The following SNX16 variants were observed in gnomAD, a reference collection of about 807,000 sequenced individuals.
The protein encoded by SNX16 is sorting nexin 16.
SNX16 carries 35 observed loss-of-function variants against 36.7 expected under a neutral mutation model. That is an observed-to-expected ratio of 0.95 (90% CI 0.73 to 1.27). The LOEUF is 1.27. SNX16 is among the 50% of genes most tolerant of loss of function. SNX16 has a pLI of 0.00. For synonymous variants in SNX16, 134 were observed against 132.0 expected (o/e 1.02, Z -0.10); for missense variants, 367 against 393.6 (o/e 0.93, Z 0.57).
intron 4 of SNX16, among the ~76,000 whole-genome samples, chr8:81,819,002 G>T (rs893162820): frequency 6.6e-6 from 1 of 151,958 alleles, no homozygotes; most frequent in Non-Finnish European, 1.5e-5. Flanking sequence ...TCATATTAAT[G>T]TTTGGATACT....
intron 5 of SNX16, among the ~76,000 whole-genome samples, chr8:81,812,156 A>G (rs1351036432): frequency 6.6e-6 from 1 of 152,108 alleles, no homozygotes; most frequent in Non-Finnish European, 1.5e-5. Context: ...AAAAATGAAC[A>G]GCACTTCAGA....
chr8:81,810,439 C>A (rs1246072551), intron 5 of SNX16, among the ~76,000 whole-genome samples: 1 of 152,118 alleles, frequency 6.6e-6, no homozygotes, highest in Non-Finnish European at 1.5e-5. Context: ...AAATGAGAGG[C>A]TGCTTAAGTA....
chr8:81,833,575 G>T (rs142635711), intron 2 of SNX16, among the ~76,000 whole-genome samples: 2 of 152,138 alleles, frequency 1.3e-5, no homozygotes, highest in African/African-American at 2.4e-5. Flanking sequence ...TAAAACTTTT[G>T]AGTATGAATG....
At chr8:81,814,559 G>T (rs1466377796) in intron 5 of SNX16, 1 of 151,946 alleles carries the variant, frequency 6.6e-6, no homozygotes, top group East Asian at 1.9e-4. Context: ...AGTGATGATG[G>T]TAACTGCTCT....
Position 81,823,724 on chromosome 8 carries a change from A to G in SNX16, c.611+68T>C, listed in dbSNP as rs11985887. 145 of 1,379,394 alleles carry G rather than the reference A, an allele frequency of 1.1e-4. No individual in the cohort carries two copies. In the African/African-American group the frequency reaches 2.0e-3, roughly 19 times the overall value. The allele number at this position is 1,379,394 out of a possible 1,614,324, so 85.4% of individuals were successfully genotyped here. A position where few individuals can be genotyped will look rare whatever the true frequency, so the allele number is the denominator to read the frequency against. On this transcript the variant is annotated intron_variant, in intron 4 of 7. Coordinates refer to ENST00000345957, the MANE Select transcript of SNX16 (RefSeq NM_152836.3). ...TGTGCTTAAATAACTATGATCATAG[A>G]TTTATTCTTTAATTTACGCCAGTTA...
chr8:81,802,358 T>C, intron 7 of SNX16, 22 bp downstream of exon 7: 1 of 1,573,390 alleles, frequency 6.4e-7, no homozygotes, highest in Non-Finnish European at 8.6e-7. Flanking sequence ...AATTAAGCTA[T>C]CATAAATGAA....
Position 81,823,808 on chromosome 8 carries a change from T to A in SNX16, c.595A>T (p.Lys199Ter), listed in dbSNP as rs1193957501. ...QAFLQNLVAH[K>*]DIANCLAVRE... ...GTTACATACCAGTTAGCAATGTCCT[T>A]GTGAGCTACTAAATTTTGAAGAAAC... Residue 199 changes from lysine (K) to a stop codon, truncating the protein, a stop_gained, in exon 4 of 8, where the codon AAG becomes TAG. Coordinates refer to ENST00000345957, the MANE Select transcript of SNX16 (RefSeq NM_152836.3). LOFTEE classifies it high-confidence loss of function. 1.9e-6 allele frequency: 3 copies of A among 1,609,480 alleles called. No homozygotes were observed. In the African/African-American group the frequency reaches 4.0e-5, roughly 22 times the overall value.
Position 81,828,475 on chromosome 8 carries a change from G to T in SNX16, c.462+955C>A, listed in dbSNP as rs545245260. ...TGTTTGTTGCATTTTTTACTTTGGG[G>T]TTCACTTTCCTAATTTAGTTTTAAG... On this transcript the variant is annotated intron_variant, in intron 3 of 7. Coordinates refer to ENST00000345957, the MANE Select transcript of SNX16 (RefSeq NM_152836.3). 3.9e-5 allele frequency among the ~76,000 whole-genome samples: 6 copies of T among 152,118 alleles called. No homozygotes were observed. The South Asian group carries it at 1.2e-3, about 32-fold the overall frequency.
chr8:81,811,320 C>G (rs1438188490), intron 5 of SNX16, among the ~76,000 whole-genome samples: 1 of 152,016 alleles, frequency 6.6e-6, no homozygotes, highest in Non-Finnish European at 1.5e-5. Flanking sequence ...ATCCTGGGAC[C>G]CAAGCCACAC....
chr8:81,802,555 T>G (rs973358199), intron 6 of SNX16, 56 bp from the exon 7 acceptor site: 1 of 1,502,684 alleles, frequency 6.7e-7, no homozygotes, highest in African/African-American at 1.4e-5. Context: ...GGCATATGTT[T>G]AATGTTGTGA....
chr8:81,823,474 A>G (rs1423980280), intron 4 of SNX16, among the ~76,000 whole-genome samples: 2 of 152,084 alleles, frequency 1.3e-5, no homozygotes, highest in Non-Finnish European at 2.9e-5. Context: ...TTTTACTAAT[A>G]TGTAAGTGGT....
intron 2 of SNX16, among the ~76,000 whole-genome samples, chr8:81,833,271 G>T (rs2130752662): frequency 6.6e-6 from 1 of 151,442 alleles, no homozygotes; most frequent in Non-Finnish European, 1.5e-5. Context: ...CTGCCCTAAA[G>T]ACCATTCATT....
intron 5 of SNX16, among the ~76,000 whole-genome samples, chr8:81,814,359 T>C (rs187118519): frequency 2.0e-5 from 3 of 152,194 alleles, no homozygotes; most frequent in East Asian, 1.9e-4. Context: ...ATAAAAGTTA[T>C]GTATATGGTA....
intron 4 of SNX16, among the ~76,000 whole-genome samples, chr8:81,818,682 G>A (rs1810599233): frequency 6.6e-6 from 1 of 152,060 alleles, no homozygotes; most frequent in African/African-American, 2.4e-5. Context: ...ACTTCTTGTT[G>A]TTATTCCTAT....
intron 5 of SNX16, among the ~76,000 whole-genome samples, chr8:81,812,216 A>G (rs192072669): frequency 7.2e-5 from 11 of 152,178 alleles, no homozygotes; most frequent in African/African-American, 2.4e-4. Flanking sequence ...ATGACAGTCC[A>G]AGAAGGAGAA....
At chr8:81,811,809 AAAGGC>A (rs1485628469) in intron 5 of SNX16, among the ~76,000 whole-genome samples, 1 of 152,182 alleles carries the variant, frequency 6.6e-6, no homozygotes, top group African/African-American at 2.4e-5. Flanking sequence ...ACTCAGGAAA[AAAGGC>A]AGTCAATTGA....
At chr8:81,806,361 A>G (rs1471484804) in intron 5 of SNX16, among the ~76,000 whole-genome samples, 4 of 152,224 alleles carry the variant, frequency 2.6e-5, no homozygotes, top group African/African-American at 9.6e-5. Flanking sequence ...TGTTTTATCA[A>G]CTGAAAATCT....
At chr8:81,805,529 C>T (rs970616708) in intron 5 of SNX16, among the ~76,000 whole-genome samples, 2 of 151,828 alleles carry the variant, frequency 1.3e-5, no homozygotes, top group Admixed American at 1.3e-4. Flanking sequence ...TAAAATACAC[C>T]AAATCCAAGG....
rs11776932 is a variant in SNX16 at position 81,800,694 on chromosome 8, A to C, written c.*803T>G. ...TTTTTGTATAAGCCCCTATTTATTTAGAATCTATATTTTCGAAAGAATATG... is the reference window on the plus strand; with the variant it reads ...TTTTTGTATAAGCCCCTATTTATTTCGAATCTATATTTTCGAAAGAATATG... On this transcript the variant is annotated 3_prime_UTR_variant, in exon 8 of 8. Transcript: ENST00000345957. 0.4 allele frequency: 61,198 copies of C among 151,920 alleles called. 13,049 individuals carry two copies. The highest frequency in any genetic ancestry group is 0.49 in the African/African-American group (20,186 of 41,410). The allele number at this position is 151,920 out of a possible 1,614,324, so 9.4% of individuals were successfully genotyped here. A position where few individuals can be genotyped will look rare whatever the true frequency, so the allele number is the denominator to read the frequency against.
Sources: gnomAD v4.1 joint callset for allele counts (sites outside exome capture counted in the v4.1 genomes callset) on GRCh38, gnomAD v4.1.1 for gene constraint, MANE v1.5 for transcripts, NCBI Gene and HGNC (gene_info 2026-07-23, HGNC 2026-07-21) for gene names.